SCN9A: variants seen among roughly 807,000 people sequenced by gnomAD.
SCN9A encodes sodium voltage-gated channel alpha subunit 9, also known as sodium channel protein type 9 subunit alpha.
SCN9A carries 131 observed loss-of-function variants against 187.0 expected under a neutral mutation model. The observed-to-expected ratio is 0.70, with a 90% confidence interval of 0.61 to 0.81. The LOEUF is 0.81. Ranked by LOEUF, SCN9A falls within the 30% of genes least tolerant of loss-of-function variation. SCN9A has a pLI of 0.00. For synonymous variants in SCN9A, 809 were observed against 808.6 expected, an observed-to-expected ratio of 1.00 and a Z score of -0.01; for missense variants, 2,252 against 2,396.6, an observed-to-expected ratio of 0.94 and a Z score of 1.26.
chr2:166,233,070 A>C (rs1695160748), intron 21 of SCN9A, among the ~76,000 whole-genome samples: 1 of 147,488 alleles, frequency 6.8e-6, no homozygotes, highest in African/African-American at 2.5e-5. Flanking sequence ...ATATACTATT[A>C]GTGTATATAA....
At chr2:166,232,029 G>C (rs1242865599) in intron 21 of SCN9A, among the ~76,000 whole-genome samples, 2 of 152,172 alleles carry the variant, frequency 1.3e-5, no homozygotes, top group Non-Finnish European at 1.5e-5. Context: ...TTTAAATTGA[G>C]CCTTAAAGGA....
At chr2:166,270,865 T>C (rs539244635) in intron 17 of SCN9A, among the ~76,000 whole-genome samples, 31 of 151,930 alleles carry the variant, frequency 2.0e-4, no homozygotes, top group African/African-American at 6.8e-4. Context: ...GTTAAGGAGA[T>C]AGAAGATATT....
intron 7 of SCN9A, among the ~76,000 whole-genome samples, chr2:166,297,114 G>GT (rs1698337817): frequency 1.4e-5 from 2 of 147,954 alleles, no homozygotes; most frequent in South Asian, 4.3e-4. Flanking sequence ...GGAGAATGGT[G>GT]TGAACCCGGG....
chr2:166,228,970 G>A lies in SCN9A; in HGVS notation c.3927C>T (p.Val1309=), dbSNP rs751063265. ...RALSRFEGMR[V]VVNALIGAIP... ...TTGCTCCTATGAGTGCATTCACAACGACCTAGTATTCAAAAGAAAGAAAAG... is the reference window on the plus strand; with the variant it reads ...TTGCTCCTATGAGTGCATTCACAACAACCTAGTATTCAAAAGAAAGAAAAG... The change falls in exon 22 of 27, where the codon GTC becomes GTT. Residue 1309 remains valine (V), a splice_region_variant and synonymous_variant. Transcript: ENST00000642356. 2 of 1,606,940 alleles carry A rather than the reference G, an allele frequency of 1.2e-6. No homozygotes were observed. Among genetic ancestry groups the A allele is most frequent in the African/African-American group, 1.3e-5 (1 of 74,710 alleles).
At chr2:166,363,386 G>T (rs961294491) in intron 1 of SCN9A, among the ~76,000 whole-genome samples, 1 of 151,852 alleles carries the variant, frequency 6.6e-6, no homozygotes, top group African/African-American at 2.4e-5. Flanking sequence ...ATGAATCCTT[G>T]TTTGATTTAA....
chr2:166,198,668 A>T lies in SCN9A; in HGVS notation c.*4T>A, dbSNP rs1487047758. 3.8e-6 allele frequency: 6 copies of T among 1,566,218 alleles called. No individual in the cohort carries two copies. The African/African-American group carries it at 8.2e-5, about 21-fold the overall frequency. ...GCTGTAAACAATATATCAAAAATGA[A>T]GCTCTATTTTTTGCTTTCCTTGCTG... On this transcript the variant is annotated 3_prime_UTR_variant, in exon 27 of 27. Coordinates refer to ENST00000642356, the MANE Select transcript of SCN9A (RefSeq NM_001365536.1).
intron 20 of SCN9A, among the ~76,000 whole-genome samples, chr2:166,236,798 A>G (rs1695337925): frequency 6.6e-6 from 1 of 152,194 alleles, no homozygotes; most frequent in South Asian, 2.1e-4. Context: ...TAATTTGGTA[A>G]CATTTTGCAG....
At chr2:166,219,380 T>C (rs1196079181) in intron 24 of SCN9A, among the ~76,000 whole-genome samples, 2 of 151,826 alleles carry the variant, frequency 1.3e-5, no homozygotes, top group Admixed American at 6.6e-5. Flanking sequence ...TATAATACTA[T>C]GCAGCCATTC....
chr2:166,241,720 C>T (rs10930212), intron 19 of SCN9A, among the ~76,000 whole-genome samples: 125,558 of 152,070 alleles, frequency 0.83, 52,172 homozygotes, highest in East Asian at 0.94. Context: ...GTCACATTTA[C>T]ACTTTGCTTA....
At chr2:166,345,980 G>A (rs907412094) in intron 1 of SCN9A, among the ~76,000 whole-genome samples, 11 of 152,044 alleles carry the variant, frequency 7.2e-5, no homozygotes, top group Admixed American at 2.6e-4. Flanking sequence ...GCACTAAAAT[G>A]GCTACTAAAT....
intron 1 of SCN9A, among the ~76,000 whole-genome samples, chr2:166,367,756 C>T (rs931072895): frequency 7.2e-5 from 11 of 152,234 alleles, no homozygotes; most frequent in Non-Finnish European, 1.3e-4. Flanking sequence ...GTCATTCAAC[C>T]TATAAAACAA....
At position 166,281,806 on chromosome 2, in the gene SCN9A, G is replaced by A. The variant is rs1360401106; in HGVS notation, c.1977C>T (p.Gly659=). 1.9e-6 allele frequency: 3 copies of A among 1,599,520 alleles called. No homozygotes were observed. Among genetic ancestry groups the A allele is most frequent in the Non-Finnish European group, 2.6e-6 (3 of 1,175,288 alleles). Residue 659 remains glycine (G), a splice_region_variant and synonymous_variant, in exon 13 of 27, where the codon GGC becomes GGT. Coordinates refer to ENST00000642356, the MANE Select transcript of SCN9A (RefSeq NM_001365536.1). ...TTTTCTTGTGTATTTGATTGGTCGTGCCCTAAAAAAAAAATCAATTAATGT... is the reference window on the plus strand; with the variant it reads ...TTTTCTTGTGTATTTGATTGGTCGTACCCTAAAAAAAAAATCAATTAATGT... ...IIDKATSDDS[G]TTNQIHKKRR... is the part of the protein sequence containing the mutation.
intron 1 of SCN9A, among the ~76,000 whole-genome samples, chr2:166,349,620 A>G (rs1238992413): frequency 6.6e-6 from 1 of 152,184 alleles, no homozygotes; most frequent in Non-Finnish European, 1.5e-5. Flanking sequence ...CAATATTCCT[A>G]AAAACCCTAA....
Position 166,277,023 on chromosome 2 carries a change from A to T in SCN9A, c.2834T>A (p.Leu945His), listed in dbSNP as rs751656218. ...GACCATGACCATCATGTAAACAATA[A>T]GGCACATAGCTTGACCAGCGACCTC... is the stretch of plus-strand genomic sequence containing the variant. ...CMEVAGQAMC[L>H]IVYMMVMVIG... Residue 945 changes from leucine (L) to histidine (H), a missense_variant, in exon 16 of 27, where the codon CTT becomes CAT. By Grantham distance (99) the Leu-to-His change is moderately conservative. Around this residue, in one of 7 missense-constraint regions of SCN9A, gnomAD observed 119 missense variants for 188.7 expected, o/e 0.63. Coordinates refer to ENST00000642356, the MANE Select transcript of SCN9A (RefSeq NM_001365536.1). 6.2e-7 allele frequency: 1 copy of T among 1,614,004 alleles called. No individual in the cohort carries two copies. The highest frequency in any genetic ancestry group is 1.1e-5 in the South Asian group (1 of 91,064).
chr2:166,300,118 G>T (rs958881506), intron 7 of SCN9A, among the ~76,000 whole-genome samples: 5 of 150,774 alleles, frequency 3.3e-5, no homozygotes, highest in African/African-American at 7.5e-5. Context: ...TGCTCAATCA[G>T]TTGTGCACAA....
intron 1 of SCN9A, among the ~76,000 whole-genome samples, chr2:166,339,098 T>A (rs910624513): frequency 2.6e-5 from 4 of 152,176 alleles, no homozygotes; most frequent in African/African-American, 9.6e-5. Flanking sequence ...AGAAATTCAA[T>A]CAGTGAGTAG....
chr2:166,238,307 A>T (rs1186667599), intron 19 of SCN9A, 40 bp from the exon 20 acceptor site: 1 of 1,276,052 alleles, frequency 7.8e-7, no homozygotes, highest in Non-Finnish European at 1.1e-6. Context: ...TGCACAACTT[A>T]AGCTTCATGA....
intron 1 of SCN9A, among the ~76,000 whole-genome samples, chr2:166,362,914 A>T (rs1363667515): frequency 6.6e-6 from 1 of 151,862 alleles, no homozygotes; most frequent in East Asian, 1.9e-4. Flanking sequence ...AAATGTCCAT[A>T]TGTCATATTT....
rs552932842 is a variant in SCN9A, at chr2:166,368,179, C to T, written c.-51+7518G>A. ...AATTTCTGAGCCTTAGTGTTCTCAC[C>T]TCAAATGGTGGTCATGAGGATTTAA... On this transcript the variant is annotated intron_variant, in intron 1 of 26. Transcript: ENST00000642356. 8.5e-5 allele frequency among the ~76,000 whole-genome samples: 13 copies of T among 152,188 alleles called. No homozygotes were observed. The South Asian group carries it at 2.7e-3, about 32-fold the overall frequency.
Sources: gnomAD v4.1 joint callset for allele counts (sites outside exome capture counted in the v4.1 genomes callset) on GRCh38, gnomAD v4.1.1 for gene constraint, gnomAD v4.1.1 regional missense constraint, MANE v1.5 for transcripts, NCBI Gene and HGNC (gene_info 2026-07-23, HGNC 2026-07-21) for gene names.